Variants in GPHN observed in about 807,000 individuals in gnomAD.
GPHN encodes gephyrin.
GPHN carries 17 observed loss-of-function variants against 95.5 expected under a neutral mutation model. The ratio of observed to expected loss-of-function variants is 0.18; its 90% confidence interval spans 0.12 to 0.27. GPHN has a LOEUF of 0.27. GPHN is among the 10% of genes least tolerant of loss of function. GPHN has a pLI of 1.00. For missense variants in GPHN, 660 were observed against 978.1 expected (o/e 0.67, Z 4.34); for synonymous variants, 320 against 322.5 (o/e 0.99, Z 0.08).
downstream of GPHN, among the ~76,000 whole-genome samples, chr14:67,183,643 A>G (rs2083353024): frequency 6.6e-6 from 1 of 151,664 alleles, no homozygotes; most frequent in East Asian, 1.9e-4. Flanking sequence ...AGCTCACTAC[A>G]ATCTCCACCT....
At chr14:66,939,820 A>G (rs2067315569) in intron 8 of GPHN, among the ~76,000 whole-genome samples, 1 of 152,222 alleles carries the variant, frequency 6.6e-6, no homozygotes, top group African/African-American at 2.4e-5. Flanking sequence ...CATCTCCTTC[A>G]GAGGCCTATC....
the GPHN span, among the ~76,000 whole-genome samples, chr14:67,365,481 C>T: frequency 2.0e-5 from 3 of 152,112 alleles, no homozygotes; most frequent in Non-Finnish European, 4.4e-5. Context: ...TATATACACA[C>T]CTGAAATCCA....
At chr14:67,033,652 C>T (rs996664734) in intron 10 of GPHN, among the ~76,000 whole-genome samples, 1 of 150,844 alleles carries the variant, frequency 6.6e-6, no homozygotes, top group African/African-American at 2.4e-5. Context: ...AAAAGGGACA[C>T]CAAACTTATT....
At chr14:67,604,609 T>C in the GPHN span, among the ~76,000 whole-genome samples, 1 of 152,110 alleles carries the variant, frequency 6.6e-6, no homozygotes, top group African/African-American at 2.4e-5. Context: ...GCAGAAGGGT[T>C]GCTTGAGCCC....
intron 8 of GPHN, among the ~76,000 whole-genome samples, chr14:66,937,383 A>G (rs1436697038): frequency 1.3e-5 from 2 of 150,170 alleles, no homozygotes; most frequent in Non-Finnish European, 3.0e-5. Flanking sequence ...TAACTGGAGC[A>G]ATTTTTTTTT....
chr14:67,465,938 C>T, the GPHN span, among the ~76,000 whole-genome samples: 4 of 152,234 alleles, frequency 2.6e-5, no homozygotes, highest in South Asian at 4.2e-4. Flanking sequence ...CAAGGATTGC[C>T]GGCAGCCACC....
At chr14:66,513,225 AAC>A (rs555272417) in intron 1 of GPHN, among the ~76,000 whole-genome samples, 23 of 151,852 alleles carry the variant, frequency 1.5e-4, no homozygotes, top group Non-Finnish European at 2.8e-4. Context: ...CTATATTAAA[AAC>A]ACATGTGACA....
chr14:66,803,193 C>G (rs1366536615), intron 3 of GPHN, among the ~76,000 whole-genome samples: 2 of 152,174 alleles, frequency 1.3e-5, no homozygotes, highest in African/African-American at 2.4e-5. Context: ...GTTTCGCTTT[C>G]TGCTATAACA....
intron 1 of GPHN, among the ~76,000 whole-genome samples, chr14:66,672,678 A>G (rs1741773992): frequency 6.6e-6 from 1 of 152,048 alleles, no homozygotes; most frequent in South Asian, 2.1e-4. Context: ...ATTCCTGAAA[A>G]CTTTTCTTGC....
At position 67,168,954 on chromosome 14, in the gene GPHN, T is replaced by C. The variant is rs751388942; in HGVS notation, c.1997T>C (p.Val666Ala). Residue 666 changes from valine to alanine, a missense_variant, in exon 21 of 23, where the codon GTC becomes GCC. This residue lies in a region of GPHN where 257 missense variants were observed against 376.2 expected (regional missense o/e 0.68). Transcript: ENST00000478722. ...ALPGNPVSAVVTCNLFVVPAL... is the reference protein window; with the variant it reads ...ALPGNPVSAVATCNLFVVPAL... ...TCAGGGAATCCTGTATCGGCTGTGG[T>C]CACCTGCAATCTCTTTGTTGTGCCT... The C allele has an allele frequency of 6.2e-7, 1 of 1,611,632 alleles. No individual in the cohort carries two copies.
the GPHN span, among the ~76,000 whole-genome samples, chr14:67,315,362 C>T: frequency 6.7e-5 from 10 of 149,616 alleles, no homozygotes; most frequent in African/African-American, 2.0e-4. Flanking sequence ...CTGCAAGCTC[C>T]GCCTCCCGGG....
the GPHN span, among the ~76,000 whole-genome samples, chr14:67,563,400 T>G: frequency 6.6e-6 from 1 of 152,122 alleles, no homozygotes; most frequent in South Asian, 2.1e-4. Context: ...TGGCTATTTT[T>G]CTTTCTTTGT....
the GPHN span, among the ~76,000 whole-genome samples, chr14:67,220,167 G>A: frequency 6.6e-6 from 1 of 152,178 alleles, no homozygotes; most frequent in African/African-American, 2.4e-5. Context: ...TGCGTGCAAC[G>A]GCTCATGCCT....
intron 1 of GPHN, among the ~76,000 whole-genome samples, chr14:66,517,795 A>G (rs1026800872): frequency 6.6e-5 from 10 of 152,168 alleles, no homozygotes; most frequent in Non-Finnish European, 1.2e-4. Context: ...TTAACTCAAA[A>G]TGAATCAAAG....
chr14:67,631,453 T>TC, the GPHN span, among the ~76,000 whole-genome samples: 1 of 148,828 alleles, frequency 6.7e-6, no homozygotes, highest in Non-Finnish European at 1.5e-5. Flanking sequence ...TTTTTTTTTT[T>TC]GAGACAGGGT....
At chr14:67,230,925 A>ATTT in the GPHN span, among the ~76,000 whole-genome samples, 10 of 152,366 alleles carry the variant, frequency 6.6e-5, no homozygotes, top group Admixed American at 5.9e-4. Context: ...TAGCATGATG[A>ATTT]AATCTCACAC....
chr14:67,350,572 C>T, the GPHN span: 1 of 1,544,108 alleles, frequency 6.5e-7, no homozygotes, highest in East Asian at 2.3e-5. Context: ...ACTGAAATCA[C>T]TTTGTTTTGC....
intron 11 of GPHN, among the ~76,000 whole-genome samples, chr14:67,087,251 CAA>C (rs1378728775): frequency 2.0e-5 from 3 of 152,082 alleles, no homozygotes; most frequent in African/African-American, 7.2e-5. Flanking sequence ...AAAATCCCAG[CAA>C]AGTCATTCAT....
At chr14:66,901,129 A>C (rs1258515244) in intron 5 of GPHN, among the ~76,000 whole-genome samples, 3 of 151,954 alleles carry the variant, frequency 2.0e-5, no homozygotes, top group African/African-American at 7.2e-5. Context: ...GTTTGCATCT[A>C]TCTGATGATT....
Sources: gnomAD v4.1 joint callset for allele counts (sites outside exome capture counted in the v4.1 genomes callset) on GRCh38, gnomAD v4.1.1 for gene constraint, gnomAD v4.1.1 regional missense constraint, MANE v1.5 for transcripts, NCBI Gene and HGNC (gene_info 2026-07-23, HGNC 2026-07-21) for gene names.